The following DOCK1 variants were observed in gnomAD, a reference collection of about 807,000 sequenced individuals.
The protein encoded by DOCK1 is dedicator of cytokinesis 1, also known as dedicator of cytokinesis protein 1.
Under a neutral mutation model 262.7 loss-of-function variants are expected in DOCK1, and 138 were observed. The ratio of observed to expected loss-of-function variants is 0.53; its 90% CI spans 0.46 to 0.61. The LOEUF (loss-of-function observed/expected upper bound fraction) is 0.61, where lower values mean the gene tolerates loss of function less well. Among genes scored for constraint, DOCK1 ranks in the 20% least tolerant of loss-of-function variants. The pLI, the probability that DOCK1 is intolerant of heterozygous loss-of-function variation, is 0.00. For missense variants in DOCK1, 1,908 were observed against 2,370.7 expected, an observed-to-expected ratio of 0.80 and a Z score of 4.05; for synonymous variants, 866 against 867.4, an observed-to-expected ratio of 1.00 and a Z score of 0.03.
At chr10:127,402,041 T>C (rs1354204834) in intron 38 of DOCK1, among the ~76,000 whole-genome samples, 1 of 152,300 alleles carries the variant, frequency 6.6e-6, no homozygotes, top group East Asian at 1.9e-4. Flanking sequence ...GAATGCAGCA[T>C]ATAGGAAGCT....
chr10:127,219,009 C>T (rs1265590543), intron 27 of DOCK1, among the ~76,000 whole-genome samples: 2 of 152,154 alleles, frequency 1.3e-5, no homozygotes, highest in African/African-American at 4.8e-5. Context: ...TTAATCCCAC[C>T]TCTTAAAGGA....
chr10:127,245,163 C>G (rs1264151032), intron 27 of DOCK1, among the ~76,000 whole-genome samples: 1 of 152,190 alleles, frequency 6.6e-6, no homozygotes, highest in South Asian at 2.1e-4. Flanking sequence ...TACTGATAAC[C>G]CAAGGATGGG....
intron 10 of DOCK1, 139 bp downstream of exon 10, chr10:127,000,446 T>C: frequency 7.8e-7 from 1 of 1,282,024 alleles, no homozygotes; most frequent in Non-Finnish European, 1.0e-6. Context: ...ATATATTTAT[T>C]AGTTATTTTC....
chr10:127,144,171 C>T (rs1246832573), intron 27 of DOCK1, among the ~76,000 whole-genome samples: 3 of 152,172 alleles, frequency 2.0e-5, no homozygotes, highest in Non-Finnish European at 4.4e-5. Context: ...GTATTCTCTC[C>T]CTCTCCAGTT....
intron 26 of DOCK1, among the ~76,000 whole-genome samples, chr10:127,127,166 G>A (rs1399515322): frequency 1.3e-5 from 2 of 152,182 alleles, no homozygotes; most frequent in East Asian, 3.9e-4. Context: ...ATCAACAATC[G>A]CATCCCACAC....
Position 127,127,696 on chromosome 10 carries a change from A to G in DOCK1, c.2779A>G (p.Ile927Val), listed in dbSNP as rs748390399. ...VGPTQRHVQI[I>V]MEKLLRTVNR... ...GCCAACCCAGAGGCACGTCCAGATT[A>G]TCATGGAGAAACTTCTCCGGACCGT... Residue 927 changes from isoleucine to valine, a missense_variant, in exon 27 of 52, where the codon ATC becomes GTC. Around this residue, in one of 9 missense-constraint regions of DOCK1, gnomAD observed 518 missense variants for 575.1 expected, o/e 0.90. Coordinates refer to ENST00000623213, the MANE Select transcript of DOCK1 (RefSeq NM_001290223.2). 2 of 1,612,920 alleles carry G rather than the reference A, an allele frequency of 1.2e-6. No homozygotes were observed. Among genetic ancestry groups the G allele is most frequent in the African/African-American group, 1.3e-5 (1 of 75,042 alleles).
chr10:127,054,880 G>A (rs1245925418), intron 22 of DOCK1, among the ~76,000 whole-genome samples: 3 of 152,236 alleles, frequency 2.0e-5, no homozygotes, highest in Admixed American at 6.5e-5. Context: ...TAAAACGATC[G>A]TGCATTGATA....
intron 27 of DOCK1, among the ~76,000 whole-genome samples, chr10:127,191,755 G>A (rs2056772156): frequency 6.6e-6 from 1 of 152,176 alleles, no homozygotes; most frequent in South Asian, 2.1e-4. Flanking sequence ...CAACTGAACA[G>A]CTGTAAAAAG....
intron 27 of DOCK1, among the ~76,000 whole-genome samples, chr10:127,130,920 C>T (rs1383869368): frequency 6.6e-6 from 1 of 152,176 alleles, no homozygotes; most frequent in Non-Finnish European, 1.5e-5. Flanking sequence ...AGATCCCTGT[C>T]CTGCTTAGGG....
At chr10:127,185,709 C>T (rs1009252846) in intron 27 of DOCK1, among the ~76,000 whole-genome samples, 7 of 152,236 alleles carry the variant, frequency 4.6e-5, no homozygotes, top group Non-Finnish European at 1.0e-4. Flanking sequence ...TAGTTTTGTT[C>T]GTTGAGGTAA....
intron 21 of DOCK1, 108 bp from the exon 22 acceptor site, chr10:127,052,573 T>A: frequency 6.7e-7 from 1 of 1,488,152 alleles, no homozygotes; most frequent in Middle Eastern, 1.8e-4. Context: ...CATATACTGA[T>A]AGATGGAAAC....
intron 29 of DOCK1, among the ~76,000 whole-genome samples, chr10:127,306,221 G>C (rs1357114721): frequency 2.0e-5 from 3 of 152,044 alleles, no homozygotes; most frequent in African/African-American, 7.2e-5. Flanking sequence ...CACCATGTTT[G>C]TCAGGCTGGT....
At chr10:127,006,739 A>G (rs2041057491) in intron 10 of DOCK1, among the ~76,000 whole-genome samples, 1 of 152,094 alleles carries the variant, frequency 6.6e-6, no homozygotes, top group African/African-American at 2.4e-5. Context: ...CTTCCTGCAC[A>G]TGGTCCTGTG....
chr10:126,980,472 G>A (rs1281625237), intron 3 of DOCK1, among the ~76,000 whole-genome samples: 1 of 152,102 alleles, frequency 6.6e-6, no homozygotes, highest in African/African-American at 2.4e-5. Flanking sequence ...CCGAAGTGCC[G>A]GTTGCAGGTG....
chr10:127,035,525 C>T (rs2043537166), intron 18 of DOCK1, among the ~76,000 whole-genome samples: 1 of 152,086 alleles, frequency 6.6e-6, no homozygotes, highest in Non-Finnish European at 1.5e-5. Context: ...TACTCATTAG[C>T]CCAATTGGAC....
intron 48 of DOCK1, among the ~76,000 whole-genome samples, chr10:127,435,750 G>T (rs2069644514): frequency 6.6e-6 from 1 of 152,310 alleles, no homozygotes; most frequent in African/African-American, 2.4e-5. Context: ...TAACTGGAAG[G>T]CGTCTTTATT....
At chr10:127,252,027 C>T (rs1482998097) in intron 28 of DOCK1, among the ~76,000 whole-genome samples, 1 of 151,846 alleles carries the variant, frequency 6.6e-6, no homozygotes, top group African/African-American at 2.4e-5. Context: ...TCCTATTTCT[C>T]CACATCCTCT....
intron 27 of DOCK1, among the ~76,000 whole-genome samples, chr10:127,180,702 C>T (rs1177246084): frequency 6.6e-6 from 1 of 152,118 alleles, no homozygotes; most frequent in Non-Finnish European, 1.5e-5. Context: ...ATGGAAGCAA[C>T]TTAATGGCTA....
chr10:127,382,973 T>C (rs113586550), intron 37 of DOCK1, among the ~76,000 whole-genome samples: 3 of 152,346 alleles, frequency 2.0e-5, no homozygotes, highest in African/African-American at 7.2e-5. Flanking sequence ...GAATGCTACA[T>C]AATCTCTCTC....
Sources: allele counts gnomAD v4.1 joint callset (sites outside exome capture counted in the v4.1 genomes callset), GRCh38; gene constraint gnomAD v4.1.1; regional missense constraint gnomAD v4.1.1; transcripts MANE v1.5; gene names NCBI Gene and HGNC (gene_info 2026-07-23, HGNC 2026-07-21).